Variants in ELFN1 observed in about 807,000 individuals in gnomAD.
ELFN1 encodes protein ELFN1.
ELFN1 carries 6 observed loss-of-function variants against 7.6 expected under a neutral mutation model. The observed-to-expected ratio is 0.79, with a 90% CI of 0.43 to 1.56. The LOEUF (loss-of-function observed/expected upper bound fraction) is 1.56, where lower values mean the gene tolerates loss of function less well. ELFN1 is among the 40% of genes most tolerant of loss of function. The pLI is 0.01. For missense variants in ELFN1, 1,169 were observed against 1,232.2 expected, an observed-to-expected ratio of 0.95 and a Z score of 0.77; for synonymous variants, 657 against 588.1, an observed-to-expected ratio of 1.12 and a Z score of -1.70.
intron 1 of ELFN1, among the ~76,000 whole-genome samples, chr7:1,685,433 C>T (rs1275059177): frequency 1.3e-5 from 2 of 152,076 alleles, no homozygotes; most frequent in African/African-American, 4.8e-5. Context: ...CTTGAGACTC[C>T]CATCACCACA....
intron 2 of ELFN1, among the ~76,000 whole-genome samples, chr7:1,699,049 C>A (rs1779372554): frequency 6.6e-6 from 1 of 152,234 alleles, no homozygotes; most frequent in Non-Finnish European, 1.5e-5. Flanking sequence ...ATTATATACA[C>A]ATTCTGTCTG....
chr7:1,681,239 T>G (rs942886765), intron 1 of ELFN1, among the ~76,000 whole-genome samples: 3 of 152,242 alleles, frequency 2.0e-5, no homozygotes, highest in African/African-American at 7.2e-5. Context: ...TTATCCATTA[T>G]CCAAAACACA....
intron 1 of ELFN1, among the ~76,000 whole-genome samples, chr7:1,677,540 G>T (rs1332747048): frequency 1.3e-5 from 2 of 151,770 alleles, no homozygotes; most frequent in Admixed American, 1.3e-4. Flanking sequence ...GCGGGTGTGT[G>T]CATGTAGATT....
In ELFN1 at chr7:1,670,706, GC is replaced by G. The variant is rs1778747936; in HGVS notation, c.-549+353del. On this transcript the variant is annotated intron_variant, in intron 1 of 3. Coordinates refer to ENST00000424383, the MANE Select transcript of ELFN1 (RefSeq NM_001128636.4). This position sits in a 1 kb window ranked among gnomAD's most constrained non-coding sequence, Gnocchi z 6.4. Reference sequence around the variant, plus strand: ...CCCTTCGCCGTCCGCACCCTGCCCGGCGCCCCCCAGACGCGGCCCCCTGCCC... The same window carrying G: ...CCCTTCGCCGTCCGCACCCTGCCCGGGCCCCCCAGACGCGGCCCCCTGCCC... Among the ~76,000 whole-genome samples, 1 of 152,064 alleles carries G rather than the reference GC, an allele frequency of 6.6e-6. No homozygotes were observed. Among genetic ancestry groups the G allele is most frequent in the African/African-American group, 2.4e-5 (1 of 41,432 alleles).
intron 1 of ELFN1, among the ~76,000 whole-genome samples, chr7:1,686,216 G>A (rs139965713): frequency 6.6e-6 from 1 of 150,724 alleles, no homozygotes; most frequent in Non-Finnish European, 1.5e-5. Flanking sequence ...TGTTGTTGTT[G>A]TTGTTTGTGT....
intron 3 of ELFN1, among the ~76,000 whole-genome samples, chr7:1,733,331 G>A (rs956578471): frequency 5.3e-5 from 8 of 152,176 alleles, no homozygotes; most frequent in Admixed American, 5.2e-4. Context: ...TGTGAGCGAG[G>A]GCTGGTGGCC....
intron 3 of ELFN1, among the ~76,000 whole-genome samples, chr7:1,710,504 G>A (rs1182918017): frequency 6.6e-6 from 1 of 152,210 alleles, no homozygotes; most frequent in Non-Finnish European, 1.5e-5. Flanking sequence ...GTAGGGAGGG[G>A]TTCCACGCAC....
At chr7:1,733,064 C>G (rs1780357416) in intron 3 of ELFN1, among the ~76,000 whole-genome samples, 1 of 152,090 alleles carries the variant, frequency 6.6e-6, no homozygotes, top group Non-Finnish European at 1.5e-5. Context: ...CCACGCCCGG[C>G]TAATTTTTGT....
rs756738684 is a variant in ELFN1, at chr7:1,746,308, A to G, written c.1712A>G (p.Asn571Ser). Residue 571 changes from asparagine to serine, a missense_variant, in exon 4 of 4, where the codon AAC (asparagine) becomes AGC (serine). Physicochemically the swap from Asn to Ser is conservative, Grantham distance 46. Around this residue, in one of 2 missense-constraint regions of ELFN1, gnomAD observed 914 missense variants for 872.6 expected, o/e 1.05. Coordinates refer to ENST00000424383, the MANE Select transcript of ELFN1 (RefSeq NM_001128636.4). Reference sequence around the variant, plus strand: ...GACAAGGTCAACCAGATCATCAACAACTGCATCGACGCGCTCAAGTCCGAG... The same window carrying G: ...GACAAGGTCAACCAGATCATCAACAGCTGCATCGACGCGCTCAAGTCCGAG... ...EVDKVNQIIN[N>S]CIDALKSEST... 3.2e-6 allele frequency: 5 copies of G among 1,585,172 alleles called. No individual in the cohort carries two copies. In the East Asian group the frequency reaches 7.0e-5, roughly 22 times the overall value.
intron 1 of ELFN1, among the ~76,000 whole-genome samples, chr7:1,672,937 G>A (rs1048447826): frequency 6.6e-6 from 1 of 152,218 alleles, no homozygotes; most frequent in South Asian, 2.1e-4. Context: ...GGCGGGGCGG[G>A]GGGCAGGATT....
At position 1,673,540 on chromosome 7, in the gene ELFN1, C is replaced by T. The variant is rs936217201; in HGVS notation, c.-549+3186C>T. The stretch of plus-strand genomic sequence containing the variant: ...CTTTCCCAAGGCTGGTGGATTGAGA[C>T]CTGGTTCTGTCCCACCTCTTCCAGC... On this transcript the variant is annotated intron_variant, in intron 1 of 3. Transcript: ENST00000424383. This position sits in a 1 kb window ranked among gnomAD's most constrained non-coding sequence, Gnocchi z 4.7. Among the ~76,000 whole-genome samples, 3 of 151,578 alleles carry T rather than the reference C, an allele frequency of 2.0e-5. No homozygotes were observed. The highest frequency in any genetic ancestry group is 2.1e-4 in the South Asian group (1 of 4,746).
At chr7:1,732,526 G>T (rs2128599111) in intron 3 of ELFN1, among the ~76,000 whole-genome samples, 1 of 152,298 alleles carries the variant, frequency 6.6e-6, no homozygotes, top group Middle Eastern at 3.4e-3. Flanking sequence ...AGGGCAATTT[G>T]TTGCCTATTT....
In ELFN1 at chr7:1,740,522, G is replaced by A. The variant is rs1461068254; in HGVS notation, c.-293-3782G>A. 2.0e-5 allele frequency among the ~76,000 whole-genome samples: 3 copies of A among 152,312 alleles called. No individual in the cohort carries two copies. Among genetic ancestry groups the A allele is most frequent in the East Asian group, 3.9e-4 (2 of 5,182 alleles). ...CGGATCAGCGAGGGCACAGGCTGGCGGGGCATCGAGAGTGACTTGAGTGAG... is the reference window on the plus strand; with the variant it reads ...CGGATCAGCGAGGGCACAGGCTGGCAGGGCATCGAGAGTGACTTGAGTGAG... On this transcript the variant is annotated intron_variant, in intron 3 of 3. Coordinates refer to ENST00000424383, the MANE Select transcript of ELFN1 (RefSeq NM_001128636.4). This position sits in a 1 kb window ranked among gnomAD's most constrained non-coding sequence, Gnocchi z 5.0.
intron 2 of ELFN1, among the ~76,000 whole-genome samples, chr7:1,706,927 G>T (rs766178011): frequency 1.3e-5 from 2 of 152,060 alleles, no homozygotes; most frequent in South Asian, 4.1e-4. Flanking sequence ...TGTGGAGAGC[G>T]ATGGGTGTGC....
chr7:1,677,002 A>G (rs554548282), intron 1 of ELFN1, among the ~76,000 whole-genome samples: 9 of 152,340 alleles, frequency 5.9e-5, no homozygotes, highest in African/African-American at 2.2e-4. Context: ...TCTGAAAGCC[A>G]TGAGGGTAGC....
At chr7:1,708,440 A>G (rs1013619559) in intron 2 of ELFN1, among the ~76,000 whole-genome samples, 15 of 152,130 alleles carry the variant, frequency 9.9e-5, no homozygotes, top group Non-Finnish European at 1.0e-4. Context: ...ACCAGCACAG[A>G]GCTGCGCTTG....
At chr7:1,677,172 C>A (rs906016588) in intron 1 of ELFN1, among the ~76,000 whole-genome samples, 4 of 152,208 alleles carry the variant, frequency 2.6e-5, no homozygotes, top group African/African-American at 7.2e-5. Flanking sequence ...GGGAGGCCGT[C>A]CTGTGGAGAG....
At chr7:1,694,007 AC>A (rs1779242497) in intron 2 of ELFN1, 1 of 364,288 alleles carries the variant, frequency 2.7e-6, no homozygotes, top group Non-Finnish European at 5.7e-6. Flanking sequence ...CTGTCCGTGC[AC>A]CGACGCTTAG....
intron 1 of ELFN1, among the ~76,000 whole-genome samples, chr7:1,676,061 G>A (rs1429614955): frequency 1.3e-5 from 2 of 152,206 alleles, no homozygotes; most frequent in African/African-American, 4.8e-5. Context: ...GGACTGGGAT[G>A]CTTCCCGGAC....
Sources: allele counts gnomAD v4.1 joint callset (sites outside exome capture counted in the v4.1 genomes callset), GRCh38; gene constraint gnomAD v4.1.1; regional missense constraint gnomAD v4.1.1; non-coding constraint Gnocchi (gnomAD v3.1); transcripts MANE v1.5; gene names NCBI Gene and HGNC (gene_info 2026-07-23, HGNC 2026-07-21).